Variants in NELL1 observed in about 807,000 individuals in gnomAD.
NELL1 encodes the protein neural EGFL like 1.
A neutral mutation model predicts 107.4 loss-of-function variants in NELL1; 76 were observed. The ratio of observed to expected loss-of-function variants is 0.71; its 90% CI spans 0.59 to 0.86. NELL1 has a LOEUF of 0.86. NELL1 is among the 40% of genes least tolerant of loss of function. The probability of loss-of-function intolerance (pLI) is 0.00; values close to 1 mark genes in which losing one functional copy is unlikely to be tolerated. For missense variants in NELL1, 1,024 were observed against 1,005.5 expected (o/e 1.02, Z -0.25); for synonymous variants, 353 against 341.2 (o/e 1.03, Z -0.38).
At chr11:20,692,544 C>T (rs1040756004) in intron 2 of NELL1, among the ~76,000 whole-genome samples, 1 of 150,318 alleles carries the variant, frequency 6.7e-6, no homozygotes, top group Non-Finnish European at 1.5e-5. Flanking sequence ...TCCTTATGTA[C>T]CCAGTAGTCA....
intron 17 of NELL1, among the ~76,000 whole-genome samples, chr11:21,568,298 G>C (rs914522963): frequency 1.9e-4 from 29 of 151,762 alleles, no homozygotes; most frequent in Admixed American, 1.6e-3. Flanking sequence ...TACCTGTATA[G>C]AACACTTACC....
intron 12 of NELL1, among the ~76,000 whole-genome samples, chr11:21,085,309 G>A (rs1854364082): frequency 6.6e-6 from 1 of 152,134 alleles, no homozygotes; most frequent in Non-Finnish European, 1.5e-5. Flanking sequence ...TGACTTTTGA[G>A]TTGAGACATA....
chr11:20,929,435 C>T (rs544610399), intron 9 of NELL1, among the ~76,000 whole-genome samples: 5 of 147,912 alleles, frequency 3.4e-5, no homozygotes, highest in Non-Finnish European at 7.4e-5. Context: ...TTGTAATCTT[C>T]CTTTTTTTTT....
intron 2 of NELL1, among the ~76,000 whole-genome samples, chr11:20,716,645 G>C (rs1325878839): frequency 1.3e-5 from 2 of 152,188 alleles, no homozygotes; most frequent in Non-Finnish European, 2.9e-5. Context: ...CTTATGTCTA[G>C]TGGCAAAATG....
At chr11:21,346,484 A>G (rs1850684674) in intron 14 of NELL1, among the ~76,000 whole-genome samples, 1 of 149,130 alleles carries the variant, frequency 6.7e-6, no homozygotes, top group African/African-American at 2.4e-5. Context: ...TATCAATATA[A>G]TTCAATTATT....
chr11:21,102,134 T>C (rs920141940), intron 12 of NELL1, among the ~76,000 whole-genome samples: 3 of 152,226 alleles, frequency 2.0e-5, no homozygotes, highest in African/African-American at 7.2e-5. Flanking sequence ...ATGACTGGCA[T>C]GAGCCACCAC....
In NELL1 at chr11:21,570,849, G is replaced by T; in HGVS notation, c.2066G>T (p.Arg689Ile). Residue 689 changes from arginine to isoleucine, a missense_variant, in exon 18 of 20, where the codon AGA becomes ATA. Coordinates refer to ENST00000357134, the MANE Select transcript of NELL1 (RefSeq NM_006157.5). ...DLFCCPECDT[R>I]VTSQCLDQNG... is the part of the protein sequence containing the mutation. ...TTCTGTTGCCCAGAATGTGACACCA[G>T]AGTCACAAGTCAATGTTTAGACCAA... is the stretch of plus-strand genomic sequence containing the variant. The T allele has an allele frequency of 6.2e-7, 1 of 1,612,064 alleles. No individual in the cohort carries two copies. Among genetic ancestry groups the T allele is most frequent in the Non-Finnish European group, 8.5e-7 (1 of 1,178,720 alleles).
intron 12 of NELL1, among the ~76,000 whole-genome samples, chr11:21,068,032 C>CAA (rs1195285619): frequency 0.056 from 2,275 of 40,296 alleles, 638 homozygotes; most frequent in African/African-American, 0.12. Context: ...GATGCCATCT[C>CAA]AAAAAAAAAA....
intron 19 of NELL1, among the ~76,000 whole-genome samples, chr11:21,574,254 A>ATT (rs796871001): frequency 0.028 from 911 of 32,272 alleles, 9 homozygotes; most frequent in Middle Eastern, 0.1. Flanking sequence ...ATAAATGTAG[A>ATT]TTTTTTTTTT....
intron 13 of NELL1, among the ~76,000 whole-genome samples, chr11:21,215,982 C>T (rs1360072979): frequency 6.6e-6 from 1 of 152,046 alleles, no homozygotes; most frequent in Non-Finnish European, 1.5e-5. Flanking sequence ...CATTGCAACC[C>T]CTCCTATCAC....
chr11:20,687,561 T>C lies in NELL1; in HGVS notation c.184+9501T>C, dbSNP rs1442425245. On this transcript the variant is annotated intron_variant, in intron 2 of 19. Coordinates refer to ENST00000357134, the MANE Select transcript of NELL1 (RefSeq NM_006157.5). ...AAGATAATGTTAAGAATATGGAGTATGTTTTTTGGTTAAGGTCTTTATGAA... is the reference window on the plus strand; with the variant it reads ...AAGATAATGTTAAGAATATGGAGTACGTTTTTTGGTTAAGGTCTTTATGAA... Among the ~76,000 whole-genome samples the C allele has an allele frequency of 4.0e-4, 60 of 151,828 alleles. 1 individual carries two copies. The highest frequency in any genetic ancestry group is 3.9e-3 in the Admixed American group (60 of 15,204).
At chr11:21,362,314 A>AG (rs1022120185) in intron 14 of NELL1, among the ~76,000 whole-genome samples, 10 of 152,248 alleles carry the variant, frequency 6.6e-5, no homozygotes, top group Non-Finnish European at 1.2e-4. Flanking sequence ...CTGGTGGTAG[A>AG]GGGGGTCTGC....
intron 3 of NELL1, among the ~76,000 whole-genome samples, chr11:20,830,485 T>C (rs1265494647): frequency 1.3e-5 from 2 of 151,816 alleles, no homozygotes; most frequent in Non-Finnish European, 2.9e-5. Flanking sequence ...TACAGGTGTG[T>C]GCCAACACTC....
At chr11:21,123,713 A>G (rs755795295) in intron 13 of NELL1, among the ~76,000 whole-genome samples, 11 of 152,318 alleles carry the variant, frequency 7.2e-5, no homozygotes, top group Admixed American at 1.3e-4. Flanking sequence ...TAAGAAAACA[A>G]TCAGTCACAA....
intron 13 of NELL1, among the ~76,000 whole-genome samples, chr11:21,202,862 C>G (rs1857301518): frequency 6.6e-6 from 1 of 151,868 alleles, no homozygotes; most frequent in African/African-American, 2.4e-5. Flanking sequence ...TTATTTATTT[C>G]TGCCTTAATT....
chr11:21,232,364 C>T (rs1412172937), intron 14 of NELL1, among the ~76,000 whole-genome samples: 1 of 150,578 alleles, frequency 6.6e-6, no homozygotes, highest in East Asian at 1.9e-4. Flanking sequence ...GTATTACTTT[C>T]CCTATTTATC....
chr11:21,357,943 T>C (rs1037521817), intron 14 of NELL1, among the ~76,000 whole-genome samples: 1 of 152,238 alleles, frequency 6.6e-6, no homozygotes, highest in African/African-American at 2.4e-5. Context: ...TTGTAGAAGA[T>C]CACTTGACTA....
At chr11:20,674,674 G>A (rs1432620274) in intron 1 of NELL1, 3 of 707,908 alleles carry the variant, frequency 4.2e-6, no homozygotes, top group Admixed American at 2.3e-5. Context: ...AGACTGGACT[G>A]AAACTGGATC....
At chr11:20,893,356 A>G (rs1849657634) in intron 5 of NELL1, among the ~76,000 whole-genome samples, 1 of 144,964 alleles carries the variant, frequency 6.9e-6, no homozygotes, top group Non-Finnish European at 1.5e-5. Flanking sequence ...CACACTCTGC[A>G]CATGTATCCC....
Sources: allele counts gnomAD v4.1 joint callset (sites outside exome capture counted in the v4.1 genomes callset), GRCh38; gene constraint gnomAD v4.1.1; transcripts MANE v1.5; gene names NCBI Gene and HGNC (gene_info 2026-07-23, HGNC 2026-07-21).